The following LRCH1 variants were observed in gnomAD, a reference collection of about 807,000 sequenced individuals.
LRCH1 encodes leucine-rich repeat and calponin homology domain-containing protein 1.
In LRCH1, 23 loss-of-function variants were observed where a neutral mutation model predicts 94.9. The ratio of observed to expected loss-of-function variants is 0.24; its 90% CI spans 0.17 to 0.34. The LOEUF is 0.34. Among genes scored for constraint, LRCH1 ranks in the 10% least tolerant of loss-of-function variants. The pLI is 1.00. For synonymous variants in LRCH1, 364 were observed against 354.9 expected (o/e 1.03, Z -0.29); for missense variants, 790 against 945.9 (o/e 0.84, Z 2.16).
Position 46,743,959 on chromosome 13 carries a change from G to T in LRCH1, c.*2111G>T, listed in dbSNP as rs2138255643. On this transcript the variant is annotated 3_prime_UTR_variant, in exon 20 of 20. Coordinates refer to ENST00000389797, the MANE Select transcript of LRCH1 (RefSeq NM_001164211.2). ...GTCATTAATTTGTCTGTACTCTGCT[G>T]CGCTGCACTTCTTGGGATTTATTGG... The T allele has an allele frequency of 1.0e-6, 1 of 985,360 alleles. No homozygotes were observed. Among genetic ancestry groups the T allele is most frequent in the Admixed American group, 6.1e-5 (1 of 16,276 alleles). 61.0% of individuals were successfully genotyped at this position (985,360 alleles called of 1,614,324 possible).
At chr13:46,650,517 A>C (rs2138078874) in intron 2 of LRCH1, among the ~76,000 whole-genome samples, 172 bp downstream of exon 2, 1 of 152,168 alleles carries the variant, frequency 6.6e-6, no homozygotes, top group South Asian at 2.1e-4. Context: ...TGTTGTTAAT[A>C]CTGTCCTTGG....
intron 3 of LRCH1, among the ~76,000 whole-genome samples, chr13:46,680,760 C>G (rs144001918): frequency 3.6e-3 from 542 of 152,276 alleles, no homozygotes; most frequent in African/African-American, 0.012. Context: ...CCAGTTTGGA[C>G]TTTATAGTTG....
In LRCH1 at chr13:46,689,119, G is replaced by A. The variant is rs1870766648; in HGVS notation, c.951-14G>A. The A allele has an allele frequency of 1.3e-6, 2 of 1,593,132 alleles. No individual in the cohort carries two copies. Among genetic ancestry groups the A allele is most frequent in the African/African-American group, 2.7e-5 (2 of 74,570 alleles). The stretch of plus-strand genomic sequence containing the variant: ...TTTTTTAAATGAATTCAATATTGAT[G>A]GCATCTATCTCAGCAAGAAGGATTC... On this transcript the variant is annotated splice_polypyrimidine_tract_variant and intron_variant, in intron 6 of 19. Coordinates refer to ENST00000389797, the MANE Select transcript of LRCH1 (RefSeq NM_001164211.2).
At chr13:46,660,639 T>C (rs1055768028) in intron 2 of LRCH1, among the ~76,000 whole-genome samples, 3 of 152,228 alleles carry the variant, frequency 2.0e-5, no homozygotes, top group African/African-American at 7.2e-5. Flanking sequence ...TTGTTGTCTT[T>C]GGTCACATGC....
At chr13:46,652,131 C>T (rs2051313137) in intron 2 of LRCH1, among the ~76,000 whole-genome samples, 1 of 148,706 alleles carries the variant, frequency 6.7e-6, no homozygotes, top group South Asian at 2.1e-4. Context: ...GGCTGGAGTG[C>T]AGTGGCGCGA....
At position 46,650,249 on chromosome 13, in the gene LRCH1, T is replaced by C; in HGVS notation, c.356T>C (p.Phe119Ser). 2.5e-6 allele frequency: 4 copies of C among 1,612,872 alleles called. No individual in the cohort carries two copies. Among genetic ancestry groups the C allele is most frequent in the Non-Finnish European group, 3.4e-6 (4 of 1,179,232 alleles). The change falls in exon 2 of 20, where the codon TTT becomes TCT. Residue 119 changes from phenylalanine (F) to serine (S), a missense_variant. By Grantham distance (155) the Phe-to-Ser change is radical. Around this residue, in one of 3 missense-constraint regions of LRCH1, gnomAD observed 194 missense variants for 293.5 expected, o/e 0.66. Coordinates refer to ENST00000389797, the MANE Select transcript of LRCH1 (RefSeq NM_001164211.2). ...GAAGTTCCAATGGAATTGTGCCATTTTGTATCACTGGAAATTCTTAATCTG... is the reference window on the plus strand; with the variant it reads ...GAAGTTCCAATGGAATTGTGCCATTCTGTATCACTGGAAATTCTTAATCTG... ...LVEVPMELCH[F>S]VSLEILNLYH...
chr13:46,613,386 G>GAA (rs35503529), intron 1 of LRCH1, among the ~76,000 whole-genome samples: 1 of 144,280 alleles, frequency 6.9e-6, no homozygotes, highest in Non-Finnish European at 1.5e-5. Flanking sequence ...GACCCCGTCT[G>GAA]AAAAAAAAAA....
At chr13:46,561,542 T>C (rs886319279) in intron 1 of LRCH1, among the ~76,000 whole-genome samples, 7 of 151,798 alleles carry the variant, frequency 4.6e-5, no homozygotes, top group Admixed American at 4.6e-4. Flanking sequence ...TGGCACACGA[T>C]GTGTTCCTCT....
At chr13:46,670,652 C>G (rs1192166072) in intron 3 of LRCH1, among the ~76,000 whole-genome samples, 1 of 88,152 alleles carries the variant, frequency 1.1e-5, no homozygotes, top group Non-Finnish European at 2.7e-5. Context: ...AGACACTGCC[C>G]ATCCCCCCCC....
At position 46,742,946 on chromosome 13, in the gene LRCH1, G is replaced by A. The variant is rs1593390887; in HGVS notation, c.*1098G>A. On this transcript the variant is annotated 3_prime_UTR_variant, in exon 20 of 20. Coordinates refer to ENST00000389797, the MANE Select transcript of LRCH1 (RefSeq NM_001164211.2). ...TTAAGTCAGCTCAAAGGATTATATAGTAACTATATCTGCATTTGGAGCAAT... is the reference window on the plus strand; with the variant it reads ...TTAAGTCAGCTCAAAGGATTATATAATAACTATATCTGCATTTGGAGCAAT... 1.0e-6 allele frequency: 1 copy of A among 985,378 alleles called. No homozygotes were observed. The highest frequency in any genetic ancestry group is 5.2e-4 in the Middle Eastern group (1 of 1,914). The allele number at this position is 985,378 out of a possible 1,614,324, so 61.0% of individuals were successfully genotyped here.
At chr13:46,698,585 A>G (rs1871312580) in intron 9 of LRCH1, among the ~76,000 whole-genome samples, 1 of 152,196 alleles carries the variant, frequency 6.6e-6, no homozygotes, top group African/African-American at 2.4e-5. Flanking sequence ...CTACACACAT[A>G]TGCGTGCACA....
At chr13:46,555,885 TA>T (rs1479366770) in intron 1 of LRCH1, among the ~76,000 whole-genome samples, 1 of 152,216 alleles carries the variant, frequency 6.6e-6, no homozygotes, top group Non-Finnish European at 1.5e-5. Context: ...GTTCTAAAGA[TA>T]AATTTAATTG....
At position 46,650,293 on chromosome 13, in the gene LRCH1, G is replaced by A; in HGVS notation, c.400G>A (p.Val134Ile). 3 of 1,611,536 alleles carry A rather than the reference G, an allele frequency of 1.9e-6. No individual in the cohort carries two copies. Among genetic ancestry groups the A allele is most frequent in the South Asian group, 2.2e-5 (2 of 90,770 alleles). The change falls in exon 2 of 20, where the codon GTC (valine) becomes ATC (isoleucine). Residue 134 changes from valine to isoleucine, a missense_variant. Physicochemically the swap from Val to Ile is conservative, Grantham distance 29. Around this residue, in one of 3 missense-constraint regions of LRCH1, gnomAD observed 194 missense variants for 293.5 expected, o/e 0.66. Transcript: ENST00000389797. ...ILNLYHNCIR[V>I]IPEAIVNLQM... The stretch of plus-strand genomic sequence containing the variant: ...TAATCTGTATCACAACTGTATCAGA[G>A]TCATTCCTGAGGCCATCGTTAATCT...
intron 1 of LRCH1, among the ~76,000 whole-genome samples, chr13:46,587,027 G>A (rs1157104415): frequency 6.6e-6 from 1 of 152,198 alleles, no homozygotes; most frequent in East Asian, 1.9e-4. Flanking sequence ...AGACCCTGGA[G>A]ATGCCGTGTG....
chr13:46,744,478 A>T lies in LRCH1; in HGVS notation c.*2630A>T. 1.0e-6 allele frequency: 1 copy of T among 985,310 alleles called. No homozygotes were observed. The highest frequency in any genetic ancestry group is 1.2e-6 in the Non-Finnish European group (1 of 829,904). 61.0% of individuals were successfully genotyped at this position (985,310 alleles called of 1,614,324 possible). On this transcript the variant is annotated 3_prime_UTR_variant, in exon 20 of 20. Coordinates refer to ENST00000389797, the MANE Select transcript of LRCH1 (RefSeq NM_001164211.2). ...TTCTAATCATCTTTCCTATTTATGG[A>T]TTTCTGGTTTGTTATTTTTAGGGAG...
intron 15 of LRCH1, among the ~76,000 whole-genome samples, 191 bp from the exon 16 acceptor site, chr13:46,715,369 A>G (rs527699276): frequency 2.0e-5 from 3 of 152,286 alleles, no homozygotes; most frequent in South Asian, 2.1e-4. Context: ...AGTTTTTATC[A>G]TTCTTTTTAT....
chr13:46,575,524 G>A (rs1594255507), intron 1 of LRCH1, among the ~76,000 whole-genome samples: 1 of 142,830 alleles, frequency 7.0e-6, no homozygotes, highest in South Asian at 2.1e-4. Flanking sequence ...GTGTGTGTGT[G>A]TGTGTGTGTG....
chr13:46,580,828 A>G (rs2050356606), intron 1 of LRCH1, among the ~76,000 whole-genome samples: 1 of 152,250 alleles, frequency 6.6e-6, no homozygotes, highest in South Asian at 2.1e-4. Flanking sequence ...AGCCCAAAGG[A>G]CAGTTGGTAC....
chr13:46,606,796 T>C (rs1379504233), intron 1 of LRCH1, among the ~76,000 whole-genome samples: 1 of 152,176 alleles, frequency 6.6e-6, no homozygotes, highest in Non-Finnish European at 1.5e-5. Flanking sequence ...GGTCTCGAAC[T>C]CCTGACCTCA....
Sources: allele counts gnomAD v4.1 joint callset (sites outside exome capture counted in the v4.1 genomes callset), GRCh38; gene constraint gnomAD v4.1.1; regional missense constraint gnomAD v4.1.1; transcripts MANE v1.5; gene names NCBI Gene and HGNC (gene_info 2026-07-23, HGNC 2026-07-21).